Variants in DNASE1 observed in about 807,000 individuals in gnomAD.
The protein encoded by DNASE1 is deoxyribonuclease 1.
Under a neutral mutation model 33.9 loss-of-function variants are expected in DNASE1, and 40 were observed. The observed-to-expected ratio is 1.18, with a 90% confidence interval of 0.92 to 1.54. The LOEUF is 1.54. Ranked by LOEUF, DNASE1 falls within the 40% of genes most tolerant of loss-of-function variation. The pLI is 0.00. For missense variants in DNASE1, 518 were observed against 372.6 expected, an observed-to-expected ratio of 1.39 and a Z score of -3.21; for synonymous variants, 216 against 160.0, an observed-to-expected ratio of 1.35 and a Z score of -2.64.
intron 1 of DNASE1, among the ~76,000 whole-genome samples, chr16:3,645,517 TCATTTG>T (rs1038552187): frequency 1.3e-5 from 2 of 152,246 alleles, no homozygotes; most frequent in Non-Finnish European, 2.9e-5. Context: ...AAACTTCTTT[TCATTTG>T]CATCTCTCCT....
chr16:3,646,668 G>C (rs532344487), intron 1 of DNASE1, among the ~76,000 whole-genome samples: 1 of 152,314 alleles, frequency 6.6e-6, no homozygotes, highest in African/African-American at 2.4e-5. Context: ...ACTGGTGACA[G>C]ATTTTAAGTA....
downstream of DNASE1, chr16:3,658,902 A>G (rs1266242678): frequency 1.2e-6 from 2 of 1,605,894 alleles, no homozygotes; most frequent in East Asian, 4.5e-5. Flanking sequence ...GCAGCTCAGT[A>G]CCACGTGCTG....
intron 1 of DNASE1, among the ~76,000 whole-genome samples, chr16:3,646,076 C>T: frequency 6.6e-6 from 1 of 152,164 alleles, no homozygotes; most frequent in East Asian, 1.9e-4. Context: ...CAGCCGAGGG[C>T]AGATAGGTCT....
At position 3,620,363 on chromosome 16, in the gene DNASE1, C is replaced by A. The variant is rs148970785; in HGVS notation, c.-1359+8357C>A. ...AGGCTTCGTATAATTAGTAAAGAAA[C>A]CTTTTATTTATTTATTTAGAGACAG... is the stretch of plus-strand genomic sequence containing the variant. On this transcript the variant is annotated intron_variant and NMD_transcript_variant, in intron 1 of 11. Transcript: ENST00000570769. Among the ~76,000 whole-genome samples the A allele has an allele frequency of 6.7e-4, 101 of 151,712 alleles. 2 individuals carry two copies. The East Asian group carries it at 0.018, about 27-fold the overall frequency.
chr16:3,662,221 C>T (rs77852335), downstream of DNASE1: 142 of 1,494,072 alleles, frequency 9.5e-5, no homozygotes, highest in African/African-American at 1.6e-3. Context: ...GTCACCCAGA[C>T]CACGAGGTAG....
intron 7 of DNASE1, among the ~76,000 whole-genome samples, 162 bp downstream of exon 7, chr16:3,657,503 G>T (rs1218016387): frequency 1.3e-5 from 2 of 152,178 alleles, no homozygotes; most frequent in Admixed American, 6.5e-5. Context: ...CGATTTTTAG[G>T]TTTTTTCGGA....
chr16:3,662,576 G>T, downstream of DNASE1: 1 of 602,524 alleles, frequency 1.7e-6, no homozygotes, highest in South Asian at 1.6e-5. Context: ...GGCTGGGGTA[G>T]CATGTCCCTT....
intron 1 of DNASE1, among the ~76,000 whole-genome samples, chr16:3,617,751 G>T (rs1172159663): frequency 1.3e-5 from 2 of 152,100 alleles, no homozygotes; most frequent in African/African-American, 4.8e-5. Context: ...TTTGAGACCA[G>T]CCTGGGCAGC....
intron 1 of DNASE1, among the ~76,000 whole-genome samples, chr16:3,644,289 G>A (rs2042105594): frequency 6.6e-6 from 1 of 152,090 alleles, no homozygotes; most frequent in African/African-American, 2.4e-5. Context: ...TAGGCCGGGT[G>A]CAGTGGCTGA....
chr16:3,624,165 A>G (rs1005429753), intron 1 of DNASE1, among the ~76,000 whole-genome samples: 1 of 151,860 alleles, frequency 6.6e-6, no homozygotes, highest in Non-Finnish European at 1.5e-5. Flanking sequence ...TAATCCCAGG[A>G]AGCTGAGGCA....
downstream of DNASE1, chr16:3,662,488 G>C: frequency 7.7e-6 from 4 of 520,070 alleles, no homozygotes; most frequent in Non-Finnish European, 1.4e-5. Flanking sequence ...TAGACAGGTT[G>C]GTGGGGGGAG....
rs140382618 is a variant in DNASE1 at position 3,656,126 on chromosome 16, C to A, written c.261C>A (p.Tyr87Ter). Reference sequence around the variant, plus strand: ...GGGATGCACCAGACACCTATCACTACGTGGTCAGTGAGCCACTGGGACGGA... The same window carrying A: ...GGGATGCACCAGACACCTATCACTAAGTGGTCAGTGAGCCACTGGGACGGA... ...LNQDAPDTYH[Y>*]VVSEPLGRNS... The change falls in exon 4 of 9, where the codon TAC (tyrosine) becomes TAA (stop). Residue 87 changes from tyrosine to a stop codon, truncating the protein, a stop_gained. Coordinates refer to ENST00000246949, the MANE Select transcript of DNASE1 (RefSeq NM_005223.4). LOFTEE classifies it high-confidence loss of function. 1 of 1,614,132 alleles carries A rather than the reference C, an allele frequency of 6.2e-7. No homozygotes were observed. The highest frequency in any genetic ancestry group is 8.5e-7 in the Non-Finnish European group (1 of 1,180,008).
chr16:3,625,107 GA>G (rs2041464650), intron 1 of DNASE1, among the ~76,000 whole-genome samples: 1 of 152,148 alleles, frequency 6.6e-6, no homozygotes, highest in South Asian at 2.1e-4. Flanking sequence ...GGGAGTTCAA[GA>G]CCAGCCTGGC....
intron 1 of DNASE1, 55 bp downstream of exon 1, chr16:3,655,099 A>C: frequency 1.4e-5 from 8 of 590,916 alleles, no homozygotes; most frequent in Non-Finnish European, 2.4e-5. Context: ...GCAGGGAGGG[A>C]GGCTTAGAGT....
At chr16:3,664,723 C>A (rs1159208160) in exon 10 of DNASE1, 2 of 432,054 alleles carry the variant, frequency 4.6e-6, no homozygotes, top group South Asian at 2.9e-5. Flanking sequence ...GCGCACCACG[C>A]CCTGGGAGGG....
intron 7 of DNASE1, 67 bp from the exon 8 acceptor site, chr16:3,657,653 C>A (rs2042771626): frequency 6.3e-7 from 1 of 1,595,020 alleles, no homozygotes; most frequent in African/African-American, 1.3e-5. Flanking sequence ...TAGTTTAGTT[C>A]CTGCGGGTGC....
At chr16:3,656,821 C>A (rs2042678617) in intron 5 of DNASE1, 68 bp downstream of exon 5, 1 of 1,544,738 alleles carries the variant, frequency 6.5e-7, no homozygotes, top group South Asian at 1.2e-5. Context: ...TCCTAGGGAA[C>A]CTGGAATGCC....
intron 1 of DNASE1, among the ~76,000 whole-genome samples, chr16:3,633,460 T>C (rs2041762753): frequency 6.6e-6 from 1 of 151,962 alleles, no homozygotes; most frequent in Non-Finnish European, 1.5e-5. Flanking sequence ...TACAAAAAAT[T>C]AGCCGGGCGT....
intron 1 of DNASE1, among the ~76,000 whole-genome samples, chr16:3,637,460 A>T (rs1284399013): frequency 2.0e-5 from 3 of 152,092 alleles, no homozygotes; most frequent in Non-Finnish European, 2.9e-5. Flanking sequence ...TTTTACCAGC[A>T]CTTCTCAGTT....
Sources: allele counts gnomAD v4.1 joint callset (sites outside exome capture counted in the v4.1 genomes callset), GRCh38; gene constraint gnomAD v4.1.1; transcripts MANE v1.5; gene names NCBI Gene and HGNC (gene_info 2026-07-23, HGNC 2026-07-21).